RNF14: variants seen among roughly 807,000 people sequenced by gnomAD.
The protein encoded by RNF14 is E3 ubiquitin-protein ligase RNF14.
In RNF14, 26 loss-of-function variants were observed where a neutral mutation model predicts 52.6. The ratio of observed to expected loss-of-function variants is 0.49; its 90% CI spans 0.36 to 0.69. RNF14 has a LOEUF of 0.69. Among genes scored for constraint, RNF14 ranks in the 30% least tolerant of loss-of-function variants. The pLI, the probability that RNF14 is intolerant of heterozygous loss-of-function variation, is 0.00. For missense variants in RNF14, 404 were observed against 560.4 expected (o/e 0.72, Z 2.82); for synonymous variants, 194 against 202.0 (o/e 0.96, Z 0.34).
chr5:141,977,130 G>T (rs574780737), intron 4 of RNF14, among the ~76,000 whole-genome samples: 2 of 152,346 alleles, frequency 1.3e-5, no homozygotes, highest in East Asian at 3.9e-4. Context: ...GTAGAAAAGA[G>T]GTTGGAGAAT....
At chr5:141,951,562 T>A in the RNF14 span, 1 of 1,614,258 alleles carries the variant, frequency 6.2e-7, no homozygotes, top group South Asian at 1.1e-5. Context: ...TTGGCCCTGA[T>A]GCAGCAAGGA....
chr5:141,964,315 T>C (rs1753299409), upstream of RNF14, among the ~76,000 whole-genome samples: 1 of 152,136 alleles, frequency 6.6e-6, no homozygotes, highest in South Asian at 2.1e-4. Flanking sequence ...AGCATAGCAA[T>C]GGGGTTAATG....
At position 141,978,287 on chromosome 5, in the gene RNF14, ATG is replaced by A; in HGVS notation, c.307-12_307-11del. 1.3e-6 allele frequency: 2 copies of A among 1,545,254 alleles called. No homozygotes were observed. The highest frequency in any genetic ancestry group is 1.7e-6 in the Non-Finnish European group (2 of 1,145,972). ...TCTTTCCAAACTCACCAACATCTTC[ATG>A]TGTTTTCTCCTAGCTATCTGCTCTA... On this transcript the variant is annotated splice_polypyrimidine_tract_variant and intron_variant, in intron 4 of 8. Transcript: ENST00000394520.
At chr5:141,974,337 C>T (rs745683162) in intron 3 of RNF14, among the ~76,000 whole-genome samples, 10 of 152,174 alleles carry the variant, frequency 6.6e-5, no homozygotes, top group Admixed American at 6.5e-5. Flanking sequence ...ATCCTCAAAC[C>T]TGAGATCATT....
At chr5:141,974,783 T>C (rs770525629) in intron 3 of RNF14, 21 bp from the exon 4 acceptor site, 1 of 1,613,360 alleles carries the variant, frequency 6.2e-7, no homozygotes, top group Non-Finnish European at 8.5e-7. Flanking sequence ...TGATCCTTTC[T>C]AATCTTTGTT....
chr5:141,978,259 T>G (rs763213156), intron 4 of RNF14, 44 bp from the exon 5 acceptor site: 20 of 1,506,396 alleles, frequency 1.3e-5, no homozygotes, highest in Admixed American at 2.2e-5. Flanking sequence ...GGCAGCAGCA[T>G]CATCTTTCCA....
Position 141,981,014 on chromosome 5 carries a change from C to T in RNF14, c.1063+663C>T, listed in dbSNP as rs114098215. On this transcript the variant is annotated intron_variant, in intron 6 of 8. Coordinates refer to ENST00000394520, the MANE Select transcript of RNF14 (RefSeq NM_004290.5). ...AAATGTGTTTGCCGTTTCCAGTCTA[C>T]GTAAGGAATCATAAATCAGGCCCTT... Among the ~76,000 whole-genome samples, 229 of 152,300 alleles carry T rather than the reference C, an allele frequency of 1.5e-3. 2 individuals are homozygous for T. The highest frequency in any genetic ancestry group is 5.2e-3 in the African/African-American group (217 of 41,568).
upstream of RNF14, chr5:141,955,477 C>T: frequency 6.2e-7 from 1 of 1,614,092 alleles, no homozygotes; most frequent in Non-Finnish European, 8.5e-7. This position sits in a 1 kb window ranked among gnomAD's most constrained non-coding sequence, Gnocchi z 5.5. Context: ...GTGGGACTGC[C>T]CGACTTCACA....
chr5:141,977,280 A>G (rs1053266073), intron 4 of RNF14, among the ~76,000 whole-genome samples: 16 of 152,270 alleles, frequency 1.1e-4, no homozygotes, highest in Non-Finnish European at 7.3e-5. Context: ...AAAAATCATT[A>G]GTTGTTCAAT....
At chr5:141,969,544 G>C (rs1201711630) in intron 1 of RNF14, 2 of 152,308 alleles carry the variant, frequency 1.3e-5, no homozygotes, top group Non-Finnish European at 2.9e-5. Context: ...GTGGCGAGCT[G>C]AACCCAGACT....
At chr5:141,984,710 A>T in intron 7 of RNF14, 93 bp from the exon 8 acceptor site, 1 of 1,173,114 alleles carries the variant, frequency 8.5e-7, no homozygotes, top group East Asian at 2.4e-5. Flanking sequence ...AAGGGAGAGG[A>T]CCAAGACAAT....
chr5:141,956,998 T>A, upstream of RNF14: 1 of 1,614,196 alleles, frequency 6.2e-7, no homozygotes, highest in Non-Finnish European at 8.5e-7. Flanking sequence ...AGGCATGTGC[T>A]TACTGAGGAA....
upstream of RNF14, among the ~76,000 whole-genome samples, chr5:141,965,068 C>T (rs934487887): frequency 2.0e-5 from 3 of 152,130 alleles, no homozygotes; most frequent in Non-Finnish European, 4.4e-5. Flanking sequence ...TGGGGTAGGG[C>T]TCATTAAGGT....
upstream of RNF14, chr5:141,955,391 T>C: frequency 6.2e-7 from 1 of 1,613,790 alleles, no homozygotes; most frequent in South Asian, 1.1e-5. This position sits in a 1 kb window ranked among gnomAD's most constrained non-coding sequence, Gnocchi z 5.5. Context: ...CTGTACAGGG[T>C]CGGGGTGAGG....
At chr5:141,958,044 G>T (rs975812970), upstream of RNF14, 2 of 636,794 alleles carry the variant, frequency 3.1e-6, no homozygotes, top group Non-Finnish European at 5.3e-6. Context: ...CATTGGAAGC[G>T]ATCTGAGATG....
chr5:141,961,692 G>T (rs1596649713), intron 1 of RNF14, among the ~76,000 whole-genome samples: 2 of 152,262 alleles, frequency 1.3e-5, no homozygotes, highest in East Asian at 1.9e-4. Flanking sequence ...CAAACTTGGG[G>T]TTGTTCACAC....
chr5:141,989,181 T>C lies in RNF14; in HGVS notation c.*1391T>C, dbSNP rs921012053. On this transcript the variant is annotated 3_prime_UTR_variant, in exon 9 of 9. Transcript: ENST00000394520. ...AAAAATAAATTTAAAAATCATCTTATAATTAGAACAGAGTTGCTGCTATTT... is the reference window on the plus strand; with the variant it reads ...AAAAATAAATTTAAAAATCATCTTACAATTAGAACAGAGTTGCTGCTATTT... The C allele has an allele frequency of 6.6e-6, 1 of 152,334 alleles. No individual in the cohort carries two copies. The highest frequency in any genetic ancestry group is 1.5e-5 in the Non-Finnish European group (1 of 68,044). The allele number at this position is 152,334 out of a possible 1,614,324, so 9.4% of individuals were successfully genotyped here.
At chr5:141,978,944 C>A (rs1302697866) in intron 5 of RNF14, 114 bp downstream of exon 5, 4 of 1,118,112 alleles carry the variant, frequency 3.6e-6, no homozygotes, top group African/African-American at 1.6e-5. Flanking sequence ...TTGGAGCCAG[C>A]CCACAAGTTG....
At chr5:141,957,666 A>G (rs1299923027), upstream of RNF14, 4 of 1,614,158 alleles carry the variant, frequency 2.5e-6, no homozygotes, top group Non-Finnish European at 3.4e-6. The surrounding 1 kb of genome is among the most constrained non-coding windows in gnomAD (Gnocchi z 4.3). Flanking sequence ...AGGCAGCCCC[A>G]GCTTGCCTCC....
Sources: allele counts gnomAD v4.1 joint callset (sites outside exome capture counted in the v4.1 genomes callset), GRCh38; gene constraint gnomAD v4.1.1; non-coding constraint Gnocchi (gnomAD v3.1); transcripts MANE v1.5; gene names NCBI Gene and HGNC (gene_info 2026-07-23, HGNC 2026-07-21).